The following KIAA1549L variants were observed in gnomAD, a reference collection of about 807,000 sequenced individuals.
KIAA1549L encodes the protein KIAA1549 like, also known as UPF0606 protein KIAA1549L.
KIAA1549L carries 88 observed loss-of-function variants against 160.7 expected under a neutral mutation model. That is an observed-to-expected ratio of 0.55 (90% CI 0.46 to 0.65). The LOEUF (loss-of-function observed/expected upper bound fraction) is 0.65. Among genes scored for constraint, KIAA1549L ranks in the 30% least tolerant of loss-of-function variants. The pLI is 0.00. For missense variants in KIAA1549L, 2,258 were observed against 2,437.5 expected, an observed-to-expected ratio of 0.93 and a Z score of 1.55; for synonymous variants, 950 against 976.7, an observed-to-expected ratio of 0.97 and a Z score of 0.51.
chr11:33,416,465 A>C (rs1231600368), intron 1 of KIAA1549L, among the ~76,000 whole-genome samples: 1 of 152,312 alleles, frequency 6.6e-6, no homozygotes, highest in Admixed American at 6.5e-5. Context: ...AATGTTTGAA[A>C]AAAAAAACCA....
chr11:33,515,908 T>A (rs1853333244), intron 1 of KIAA1549L, among the ~76,000 whole-genome samples: 1 of 152,188 alleles, frequency 6.6e-6, no homozygotes, highest in Non-Finnish European at 1.5e-5. Flanking sequence ...TTATTGGTCC[T>A]AGCTTCATCT....
intron 1 of KIAA1549L, among the ~76,000 whole-genome samples, chr11:33,443,525 G>T (rs1851550951): frequency 6.6e-6 from 1 of 152,076 alleles, no homozygotes. Flanking sequence ...GTGTGAATCT[G>T]GTCCTAAACC....
At chr11:33,662,211 A>G (rs138695463) in intron 20 of KIAA1549L, among the ~76,000 whole-genome samples, 34 of 152,216 alleles carry the variant, frequency 2.2e-4, no homozygotes, top group African/African-American at 8.2e-4. Flanking sequence ...TGGAGTTACT[A>G]TCATGGCCCA....
At chr11:33,419,889 CATACATACATACATACAT>C (rs1285423715) in intron 1 of KIAA1549L, among the ~76,000 whole-genome samples, 20 of 104,816 alleles carry the variant, frequency 1.9e-4, no homozygotes, top group African/African-American at 5.7e-4. Context: ...TACATACATA[CATACATACATACATACAT>C]ATATATATAT....
chr11:33,606,689 G>A lies in KIAA1549L; in HGVS notation c.4928G>A (p.Ser1643Asn). The change falls in exon 14 of 21, where the codon AGC (serine) becomes AAC (asparagine). Residue 1643 changes from serine (S) to asparagine (N), a missense_variant. Physicochemically the swap from Ser to Asn is conservative, Grantham distance 46. Transcript: ENST00000658780. ...EEGAVLFDNS[S>N]KVAAEPFDTS... ...GGAGCGGTTCTATTTGACAACTCCAGCAAGGTGGCCGCTGAACCCTTTGAC... is the reference window on the plus strand; with the variant it reads ...GGAGCGGTTCTATTTGACAACTCCAACAAGGTGGCCGCTGAACCCTTTGAC... 6.2e-7 allele frequency: 1 copy of A among 1,613,976 alleles called. No homozygotes were observed. The highest frequency in any genetic ancestry group is 8.5e-7 in the Non-Finnish European group (1 of 1,179,884).
Position 33,606,705 on chromosome 11 carries a change from A to G in KIAA1549L, c.4944A>G (p.Glu1648=). The G allele has an allele frequency of 6.2e-7, 1 of 1,613,968 alleles. No homozygotes were observed. Among genetic ancestry groups the G allele is most frequent in the East Asian group, 2.2e-5 (1 of 44,874 alleles). Residue 1648 remains glutamate (E), a synonymous_variant, in exon 14 of 21, where the codon GAA becomes GAG. Coordinates refer to ENST00000658780, the MANE Select transcript of KIAA1549L (RefSeq NM_012194.3). ...ACAACTCCAGCAAGGTGGCCGCTGA[A>G]CCCTTTGACACATCTTCTGGGTCTG... is the stretch of plus-strand genomic sequence containing the variant. ...LFDNSSKVAA[E]PFDTSSGSVQ...
intron 1 of KIAA1549L, among the ~76,000 whole-genome samples, chr11:33,477,260 GAATGCCCCCCACCA>G (rs1280536448): frequency 6.6e-6 from 1 of 152,144 alleles, no homozygotes; most frequent in African/African-American, 2.4e-5. Context: ...TACCTGGGTA[GAATGCCCCCCACCA>G]CTTTTGGAAC....
chr11:33,458,736 T>C (rs1225820482), intron 1 of KIAA1549L, among the ~76,000 whole-genome samples: 1 of 152,220 alleles, frequency 6.6e-6, no homozygotes, highest in Non-Finnish European at 1.5e-5. Context: ...AAGTGGCCCC[T>C]ACCCAGGTGT....
chr11:33,513,296 G>A (rs1040210071), intron 1 of KIAA1549L, among the ~76,000 whole-genome samples: 10 of 152,210 alleles, frequency 6.6e-5, no homozygotes, highest in Admixed American at 3.3e-4. Context: ...TTTTCCTCAC[G>A]GAGGTAGAGG....
rs1307656429 is a variant in KIAA1549L, at chr11:33,671,362, G to A, written c.*3208G>A. The A allele has an allele frequency of 6.6e-6, 1 of 152,152 alleles. No homozygotes were observed. The highest frequency in any genetic ancestry group is 1.5e-5 in the Non-Finnish European group (1 of 68,044). The allele number at this position is 152,152 out of a possible 1,614,324, so 9.4% of individuals were successfully genotyped here. A position where few individuals can be genotyped will look rare whatever the true frequency, so the allele number is the denominator to read the frequency against. ...GAGGTGCAGTAAAGGTCCATTGTGT[G>A]GCTTGAGACCTATGATCTGAGGCTT... On this transcript the variant is annotated 3_prime_UTR_variant, in exon 21 of 21. Coordinates refer to ENST00000658780, the MANE Select transcript of KIAA1549L (RefSeq NM_012194.3).
chr11:33,615,241 C>T (rs1850778441), intron 15 of KIAA1549L, among the ~76,000 whole-genome samples: 1 of 152,098 alleles, frequency 6.6e-6, no homozygotes, highest in Non-Finnish European at 1.5e-5. Context: ...AGCTGGGCCT[C>T]CTCCCGCTCC....
chr11:33,405,570 G>T (rs1420786789), intron 1 of KIAA1549L, among the ~76,000 whole-genome samples: 1 of 148,550 alleles, frequency 6.7e-6, no homozygotes, highest in Non-Finnish European at 1.5e-5. Flanking sequence ...CTGTCTGGGC[G>T]CAGTGGCTAA....
rs1292966527 is a variant in KIAA1549L at position 33,673,552 on chromosome 11, A to C, written c.*5398A>C. On this transcript the variant is annotated 3_prime_UTR_variant, in exon 21 of 21. Transcript: ENST00000658780. Reference sequence around the variant, plus strand: ...ACTGGTCTCTGATTCCTCATCTGTCAAATGAGTATAAGACCCTCTGTACTT... The same window carrying C: ...ACTGGTCTCTGATTCCTCATCTGTCCAATGAGTATAAGACCCTCTGTACTT... The C allele has an allele frequency of 6.6e-6, 1 of 152,230 alleles. No homozygotes were observed. Among genetic ancestry groups the C allele is most frequent in the Non-Finnish European group, 1.5e-5 (1 of 68,040 alleles). 9.4% of individuals were successfully genotyped at this position (152,230 alleles called of 1,614,324 possible). A position where few individuals can be genotyped will look rare whatever the true frequency, so the allele number is the denominator to read the frequency against.
chr11:33,397,708 TCTCACA>T (rs1194369317), intron 1 of KIAA1549L, among the ~76,000 whole-genome samples: 52 of 98,950 alleles, frequency 5.3e-4, no homozygotes, highest in African/African-American at 1.8e-3. Flanking sequence ...CGAGACTCCA[TCTCACA>T]CACACACACA....
At chr11:33,478,992 C>A (rs1164261970) in intron 1 of KIAA1549L, among the ~76,000 whole-genome samples, 1 of 152,086 alleles carries the variant, frequency 6.6e-6, no homozygotes, top group Non-Finnish European at 1.5e-5. Context: ...GCATGTTGCC[C>A]CTAAGGTTAC....
intron 19 of KIAA1549L, among the ~76,000 whole-genome samples, chr11:33,660,122 G>A (rs1852208955): frequency 1.3e-5 from 2 of 152,240 alleles, no homozygotes; most frequent in Non-Finnish European, 2.9e-5. Context: ...ATTTGGTGAA[G>A]TTGGAAAAAG....
At chr11:33,564,418 G>T (rs1488446925) in intron 8 of KIAA1549L, among the ~76,000 whole-genome samples, 1 of 152,196 alleles carries the variant, frequency 6.6e-6, no homozygotes, top group African/African-American at 2.4e-5. Context: ...TATTAAATAG[G>T]TTTTTGCAAA....
At chr11:33,477,075 C>G (rs559785440) in intron 1 of KIAA1549L, among the ~76,000 whole-genome samples, 1 of 152,244 alleles carries the variant, frequency 6.6e-6, no homozygotes, top group South Asian at 2.1e-4. Context: ...AACTCATGGT[C>G]AGTGCTTGAT....
intron 16 of KIAA1549L, among the ~76,000 whole-genome samples, chr11:33,633,509 G>A (rs1487360120): frequency 6.6e-6 from 1 of 152,082 alleles, no homozygotes; most frequent in Non-Finnish European, 1.5e-5. Context: ...GTGGATGGCG[G>A]GGAGAGCCTG....
Sources: allele counts gnomAD v4.1 joint callset (sites outside exome capture counted in the v4.1 genomes callset), GRCh38; gene constraint gnomAD v4.1.1; transcripts MANE v1.5; gene names NCBI Gene and HGNC (gene_info 2026-07-23, HGNC 2026-07-21).